The following RNF130 variants were observed in gnomAD, a reference collection of about 807,000 sequenced individuals.
The protein encoded by RNF130 is E3 ubiquitin-protein ligase RNF130.
RNF130 carries 21 observed loss-of-function variants against 44.6 expected under a neutral mutation model. That is an observed-to-expected ratio of 0.47 (90% CI 0.33 to 0.68). The LOEUF (loss-of-function observed/expected upper bound fraction) is 0.68, where lower values mean the gene tolerates loss of function less well. Among genes scored for constraint, RNF130 ranks in the 30% least tolerant of loss-of-function variants. The pLI, the probability that RNF130 is intolerant of heterozygous loss-of-function variation, is 0.02. For synonymous variants in RNF130, 214 were observed against 210.4 expected (o/e 1.02, Z -0.15); for missense variants, 479 against 560.6 (o/e 0.85, Z 1.47).
intron 5 of RNF130, among the ~76,000 whole-genome samples, chr5:179,972,599 G>C (rs955173525): frequency 1.2e-4 from 19 of 152,028 alleles, no homozygotes; most frequent in Non-Finnish European, 2.9e-5. Flanking sequence ...AGATGAGGGT[G>C]GGGGGTGGCT....
chr5:180,006,170 A>G (rs968386766), intron 3 of RNF130, among the ~76,000 whole-genome samples: 1 of 152,206 alleles, frequency 6.6e-6, no homozygotes, highest in Non-Finnish European at 1.5e-5. Context: ...CTTAAGAAAC[A>G]TAATGAACAA....
chr5:179,934,540 C>CTTT (rs140004601), intron 7 of RNF130, among the ~76,000 whole-genome samples: 82 of 126,400 alleles, frequency 6.5e-4, no homozygotes, highest in African/African-American at 2.3e-3. Context: ...CTTTTCTTTC[C>CTTT]TTTTTTTTTT....
At chr5:180,005,484 T>C (rs1763446041) in intron 3 of RNF130, among the ~76,000 whole-genome samples, 1 of 152,168 alleles carries the variant, frequency 6.6e-6, no homozygotes, top group African/African-American at 2.4e-5. Context: ...GAATAAAGCC[T>C]AACTTTCTTA....
At chr5:179,942,458 T>TTA (rs1761979450) in intron 7 of RNF130, among the ~76,000 whole-genome samples, 1 of 152,158 alleles carries the variant, frequency 6.6e-6, no homozygotes. Flanking sequence ...ATCTATAGTA[T>TTA]TATATGTTCT....
At chr5:180,039,263 G>A (rs541963607) in intron 2 of RNF130, among the ~76,000 whole-genome samples, 1 of 150,836 alleles carries the variant, frequency 6.6e-6, no homozygotes, top group Middle Eastern at 3.2e-3. Flanking sequence ...TTTTTGAGAT[G>A]GAGTCTTGCT....
At chr5:179,996,436 G>A (rs562444192) in intron 3 of RNF130, among the ~76,000 whole-genome samples, 2 of 152,306 alleles carry the variant, frequency 1.3e-5, no homozygotes, top group South Asian at 2.1e-4. Flanking sequence ...TCCACGTTCA[G>A]TATGATGTTG....
chr5:180,020,366 G>A (rs1763843544), intron 2 of RNF130, among the ~76,000 whole-genome samples: 4 of 152,184 alleles, frequency 2.6e-5, no homozygotes, highest in Admixed American at 2.6e-4. Context: ...TGAAAGTGAA[G>A]TCTCCCCACG....
chr5:180,001,750 G>A (rs1352640891), intron 3 of RNF130, among the ~76,000 whole-genome samples: 2 of 152,186 alleles, frequency 1.3e-5, no homozygotes, highest in African/African-American at 4.8e-5. Context: ...TAGGGGAGCA[G>A]AGCTGTTGTG....
At position 179,996,162 on chromosome 5, in the gene RNF130, G is replaced by C. The variant is rs1032262721; in HGVS notation, c.694-15962C>G. ...CAGTGTTTTAGTTTTCCTTGCAGACGTTTCACCTCTTTGACTAAATTTATT... is the reference window on the plus strand; with the variant it reads ...CAGTGTTTTAGTTTTCCTTGCAGACCTTTCACCTCTTTGACTAAATTTATT... On this transcript the variant is annotated intron_variant, in intron 3 of 8. Transcript: ENST00000521389. Among the ~76,000 whole-genome samples, 4 of 152,188 alleles carry C rather than the reference G, an allele frequency of 2.6e-5. 1 individual carries two copies. Among genetic ancestry groups the C allele is most frequent in the African/African-American group, 9.6e-5 (4 of 41,524 alleles).
chr5:180,026,120 A>C (rs997402153), intron 2 of RNF130, among the ~76,000 whole-genome samples: 1 of 151,560 alleles, frequency 6.6e-6, no homozygotes, highest in African/African-American at 2.4e-5. Flanking sequence ...AACCATCCAA[A>C]AAAAAAAAAG....
chr5:179,946,320 G>GC (rs1762036021), intron 7 of RNF130, among the ~76,000 whole-genome samples: 1 of 152,188 alleles, frequency 6.6e-6, no homozygotes. Context: ...GAGGAAAGAA[G>GC]CCCCCACAGG....
At chr5:179,993,371 C>G (rs182255502) in intron 3 of RNF130, among the ~76,000 whole-genome samples, 1 of 152,212 alleles carries the variant, frequency 6.6e-6, no homozygotes, top group East Asian at 1.9e-4. Context: ...TTCTCCACAT[C>G]CTCTCCAGCA....
chr5:179,923,462 G>A (rs1761662093), intron 7 of RNF130, among the ~76,000 whole-genome samples: 1 of 152,050 alleles, frequency 6.6e-6, no homozygotes, highest in African/African-American at 2.4e-5. Flanking sequence ...TTTTAAGTTC[G>A]GCCTAAAGGT....
intron 2 of RNF130, among the ~76,000 whole-genome samples, chr5:180,024,661 G>A (rs1008144980): frequency 3.3e-5 from 5 of 152,160 alleles, no homozygotes; most frequent in African/African-American, 1.2e-4. Flanking sequence ...GATCTGTGCT[G>A]CATGAAATGA....
intron 5 of RNF130, among the ~76,000 whole-genome samples, chr5:179,971,401 GCT>G (rs1762583288): frequency 6.6e-6 from 1 of 152,202 alleles, no homozygotes; most frequent in Admixed American, 6.5e-5. Flanking sequence ...ACGGAGTCTT[GCT>G]CTGTCGCCCA....
intron 3 of RNF130, among the ~76,000 whole-genome samples, chr5:179,984,062 A>G (rs1340827439): frequency 1.3e-5 from 2 of 152,194 alleles, no homozygotes; most frequent in Non-Finnish European, 2.9e-5. Flanking sequence ...TGCATTTTTT[A>G]AAACCAATTC....
exon 8 of RNF130, chr5:179,920,073 C>T (rs536831902): frequency 2.6e-4 from 113 of 430,382 alleles, no homozygotes; most frequent in African/African-American, 2.0e-3. Flanking sequence ...CCTTGCTGGG[C>T]GCCCACCTTC....
chr5:179,966,860 G>A lies in RNF130; in HGVS notation c.1096C>T (p.Pro366Ser). ...PLRTSGISPLPQDGELTPRTG... is the reference protein window; with the variant it reads ...PLRTSGISPLSQDGELTPRTG... ...CTCGGAGTGAGCTCCCCATCCTGAG[G>A]AAGAGGTGAGATCCCCGAAGTTCGA... The change falls in exon 7 of 9, where the codon CCT (proline) becomes TCT (serine). Residue 366 changes from proline to serine, a missense_variant. Pro to Ser is a moderately conservative substitution (Grantham distance 74). Around this residue, in one of 3 missense-constraint regions of RNF130, gnomAD observed 161 missense variants for 158.6 expected, o/e 1.02. Transcript: ENST00000521389. 3 of 1,614,214 alleles carry A rather than the reference G, an allele frequency of 1.9e-6. No homozygotes were observed. Among genetic ancestry groups the A allele is most frequent in the Admixed American group, 1.7e-5 (1 of 60,030 alleles).
At chr5:179,997,153 T>A (rs967440928) in intron 3 of RNF130, among the ~76,000 whole-genome samples, 1 of 152,118 alleles carries the variant, frequency 6.6e-6, no homozygotes, top group Non-Finnish European at 1.5e-5. Context: ...AAATTTTATT[T>A]CTTTTGGAGA....
Sources: gnomAD v4.1 joint callset for allele counts (sites outside exome capture counted in the v4.1 genomes callset) on GRCh38, gnomAD v4.1.1 for gene constraint, gnomAD v4.1.1 regional missense constraint, MANE v1.5 for transcripts, NCBI Gene and HGNC (gene_info 2026-07-23, HGNC 2026-07-21) for gene names.